TACR3: variants seen among roughly 807,000 people sequenced by gnomAD.
The protein encoded by TACR3 is tachykinin receptor 3, also known as neuromedin-K receptor.
A neutral mutation model predicts 35.0 loss-of-function variants in TACR3; 34 were observed. That is an observed-to-expected ratio of 0.97 (90% CI 0.74 to 1.30). The LOEUF (loss-of-function observed/expected upper bound fraction) is 1.30. Ranked by LOEUF, TACR3 falls within the 50% of genes most tolerant of loss-of-function variation. The pLI is 0.00. For missense variants in TACR3, 558 were observed against 591.7 expected (o/e 0.94, Z 0.59); for synonymous variants, 233 against 221.1 (o/e 1.05, Z -0.48).
chr4:103,671,453 G>A (rs758419009), intron 1 of TACR3, among the ~76,000 whole-genome samples: 1 of 151,670 alleles, frequency 6.6e-6, no homozygotes, highest in Non-Finnish European at 1.5e-5. Context: ...TTTATTACTG[G>A]CTCTATACAT....
At chr4:103,662,217 G>GTTTT (rs34317006) in intron 1 of TACR3, among the ~76,000 whole-genome samples, 2 of 86,270 alleles carry the variant, frequency 2.3e-5, no homozygotes, top group Non-Finnish European at 2.3e-5. Flanking sequence ...TGTTGATGGT[G>GTTTT]TTTTTTTTTT....
intron 1 of TACR3, among the ~76,000 whole-genome samples, chr4:103,708,039 G>A (rs1043534443): frequency 6.6e-6 from 1 of 152,194 alleles, no homozygotes; most frequent in African/African-American, 2.4e-5. Flanking sequence ...GCAGCTCAAG[G>A]AGGCCTGCCT....
At chr4:103,716,745 C>A (rs535093690) in intron 1 of TACR3, among the ~76,000 whole-genome samples, 8 of 152,170 alleles carry the variant, frequency 5.3e-5, no homozygotes, top group African/African-American at 1.9e-4. Flanking sequence ...GGCACAGGAA[C>A]AAAGCGAATT....
At chr4:103,601,580 G>A (rs1473344886) in intron 3 of TACR3, among the ~76,000 whole-genome samples, 1 of 152,152 alleles carries the variant, frequency 6.6e-6, no homozygotes, top group East Asian at 1.9e-4. Context: ...GGGCAGGCCT[G>A]GTGGTGACAA....
intron 3 of TACR3, among the ~76,000 whole-genome samples, chr4:103,641,371 A>G (rs1419568462): frequency 6.6e-6 from 1 of 152,018 alleles, no homozygotes; most frequent in Non-Finnish European, 1.5e-5. Context: ...GATATATGAA[A>G]AAATGTTCAA....
chr4:103,590,079 G>C, intron 4 of TACR3, 85 bp from the exon 5 acceptor site: 5 of 1,516,132 alleles, frequency 3.3e-6, no homozygotes, highest in Non-Finnish European at 4.5e-6. Flanking sequence ...TCTACCTAAG[G>C]CAGTTATAAC....
intron 1 of TACR3, among the ~76,000 whole-genome samples, chr4:103,662,100 GA>G (rs1201476014): frequency 6.6e-6 from 1 of 152,016 alleles, no homozygotes; most frequent in African/African-American, 2.4e-5. Flanking sequence ...TTGTCCCTAA[GA>G]AAAGTCATTC....
At chr4:103,630,695 A>G (rs556776011) in intron 3 of TACR3, among the ~76,000 whole-genome samples, 118 of 152,258 alleles carry the variant, frequency 7.7e-4, no homozygotes, top group African/African-American at 2.6e-3. Context: ...ATGCTGGAGG[A>G]GATGTGGAGA....
At chr4:103,650,376 G>C (rs1226227177) in intron 3 of TACR3, among the ~76,000 whole-genome samples, 2 of 146,046 alleles carry the variant, frequency 1.4e-5, no homozygotes, top group Admixed American at 1.4e-4. Context: ...GAGTTAGTGG[G>C]TGCAGCACAC....
intron 3 of TACR3, among the ~76,000 whole-genome samples, chr4:103,603,156 G>T (rs1437779465): frequency 1.3e-5 from 2 of 152,200 alleles, no homozygotes; most frequent in African/African-American, 4.8e-5. Context: ...TGCTGTGCTA[G>T]CAATGAGCAA....
At chr4:103,671,576 T>A (rs1726057523) in intron 1 of TACR3, among the ~76,000 whole-genome samples, 1 of 152,036 alleles carries the variant, frequency 6.6e-6, no homozygotes, top group African/African-American at 2.4e-5. Flanking sequence ...TATTGGCTTA[T>A]AGTTGCACAA....
chr4:103,601,672 T>G (rs1230340001), intron 3 of TACR3, among the ~76,000 whole-genome samples: 1 of 152,210 alleles, frequency 6.6e-6, no homozygotes, highest in Non-Finnish European at 1.5e-5. Flanking sequence ...TATGAAATTC[T>G]GGGATGAAAA....
chr4:103,595,682 A>C (rs150897559), intron 3 of TACR3, among the ~76,000 whole-genome samples: 329 of 152,220 alleles, frequency 2.2e-3, no homozygotes, highest in African/African-American at 7.3e-3. Context: ...AAATGCTGAC[A>C]ACTATTTAGA....
chr4:103,649,631 A>T (rs1725538296), intron 3 of TACR3, among the ~76,000 whole-genome samples: 1 of 152,068 alleles, frequency 6.6e-6, no homozygotes, highest in Non-Finnish European at 1.5e-5. Flanking sequence ...TTAAAAGACT[A>T]ATGCATTCCT....
intron 3 of TACR3, among the ~76,000 whole-genome samples, chr4:103,648,374 A>G (rs2110324133): frequency 6.6e-6 from 1 of 152,120 alleles, no homozygotes; most frequent in African/African-American, 2.4e-5. Flanking sequence ...TAATATGGGA[A>G]CTTATTCATT....
chr4:103,630,891 C>T (rs938395868), intron 3 of TACR3, among the ~76,000 whole-genome samples: 12 of 152,152 alleles, frequency 7.9e-5, no homozygotes, highest in Non-Finnish European at 1.5e-4. Flanking sequence ...GTGTGTTTAT[C>T]GTGGCACTAT....
intron 3 of TACR3, among the ~76,000 whole-genome samples, chr4:103,638,260 G>C (rs1396795487): frequency 7.3e-5 from 11 of 150,612 alleles, no homozygotes; most frequent in African/African-American, 2.2e-4. Flanking sequence ...CAATGGAACA[G>C]AACAGAGCCC....
At chr4:103,686,199 C>T (rs1722232728) in intron 1 of TACR3, among the ~76,000 whole-genome samples, 1 of 152,116 alleles carries the variant, frequency 6.6e-6, no homozygotes. Context: ...TTAGAAAAGA[C>T]AGGAAAAAGT....
intron 3 of TACR3, among the ~76,000 whole-genome samples, chr4:103,613,744 G>T (rs1724565294): frequency 6.6e-6 from 1 of 152,174 alleles, no homozygotes; most frequent in Admixed American, 6.5e-5. Flanking sequence ...AGTTCTTTAG[G>T]CTGAGAGTCT....
Sources: gnomAD v4.1 joint callset for allele counts (sites outside exome capture counted in the v4.1 genomes callset) on GRCh38, gnomAD v4.1.1 for gene constraint, MANE v1.5 for transcripts, NCBI Gene and HGNC (gene_info 2026-07-23, HGNC 2026-07-21) for gene names.